The following CDKAL1 variants were observed in gnomAD, a reference collection of about 807,000 sequenced individuals.
CDKAL1 encodes the protein CDKAL1 threonylcarbamoyladenosine tRNA methylthiotransferase, also known as threonylcarbamoyladenosine tRNA methylthiotransferase.
A neutral mutation model predicts 68.2 loss-of-function variants in CDKAL1; 32 were observed. The observed-to-expected ratio is 0.47, with a 90% CI of 0.35 to 0.63. The LOEUF (loss-of-function observed/expected upper bound fraction) is 0.63. Ranked by LOEUF, CDKAL1 falls within the 30% of genes least tolerant of loss-of-function variation. The pLI, the probability that CDKAL1 is intolerant of heterozygous loss-of-function variation, is 0.00. For missense variants in CDKAL1, 606 were observed against 696.7 expected (o/e 0.87, Z 1.47); for synonymous variants, 234 against 244.3 (o/e 0.96, Z 0.39).
At chr6:20,956,407 A>G (rs1301085476) in intron 10 of CDKAL1, among the ~76,000 whole-genome samples, 1 of 152,218 alleles carries the variant, frequency 6.6e-6, no homozygotes, top group African/African-American at 2.4e-5. Flanking sequence ...GAGAGCAACC[A>G]TATAAATGAA....
At chr6:21,012,722 TA>T (rs1768089432) in intron 11 of CDKAL1, among the ~76,000 whole-genome samples, 1 of 152,210 alleles carries the variant, frequency 6.6e-6, no homozygotes, top group African/African-American at 2.4e-5. Flanking sequence ...CTGTGAGGGA[TA>T]CGCCTTAGTC....
At chr6:20,540,863 T>G (rs539305730) in intron 2 of CDKAL1, among the ~76,000 whole-genome samples, 79 of 152,198 alleles carry the variant, frequency 5.2e-4, no homozygotes, top group Non-Finnish European at 1.0e-3. Context: ...TGGGGCTGGT[T>G]ATGTAAGCAT....
chr6:20,858,704 C>T (rs1482296269), intron 9 of CDKAL1, among the ~76,000 whole-genome samples: 1 of 152,098 alleles, frequency 6.6e-6, no homozygotes, highest in Non-Finnish European at 1.5e-5. Context: ...GATACATTTA[C>T]ATGATGGAGT....
At chr6:20,928,123 T>A (rs1300903167) in intron 9 of CDKAL1, among the ~76,000 whole-genome samples, 1 of 152,174 alleles carries the variant, frequency 6.6e-6, no homozygotes, top group East Asian at 1.9e-4. Context: ...TTGTAGTACT[T>A]AAGACACTTG....
At chr6:20,869,418 T>G (rs1268574400) in intron 9 of CDKAL1, among the ~76,000 whole-genome samples, 1 of 152,198 alleles carries the variant, frequency 6.6e-6, no homozygotes, top group African/African-American at 2.4e-5. Flanking sequence ...TAAACCACAT[T>G]GCATTTTCCT....
chr6:21,137,287 T>G lies in CDKAL1; in HGVS notation c.1299+28824T>G, dbSNP rs191012859. On this transcript the variant is annotated intron_variant, in intron 13 of 15. Transcript: ENST00000274695. The stretch of plus-strand genomic sequence containing the variant: ...TTTGAGTTAAAGATATTGTTCTTGG[T>G]GAAAAACCTATTTACTTTTAATCAT... Among the ~76,000 whole-genome samples the G allele has an allele frequency of 1.8e-3, 269 of 152,350 alleles. 2 individuals are homozygous for G. The highest frequency in any genetic ancestry group is 9.6e-4 in the Non-Finnish European group (65 of 68,034).
chr6:20,549,579 TATA>T (rs1763734191), intron 4 of CDKAL1, among the ~76,000 whole-genome samples: 2 of 111,342 alleles, frequency 1.8e-5, no homozygotes, highest in Admixed American at 1.2e-4. Context: ...TCTTTACATT[TATA>T]TTTATTTATT....
At chr6:21,018,132 A>G (rs1164200755) in intron 11 of CDKAL1, among the ~76,000 whole-genome samples, 1 of 152,190 alleles carries the variant, frequency 6.6e-6, no homozygotes. Context: ...TATTTGGTGT[A>G]CCAGCAGAAA....
At chr6:20,721,277 C>CA (rs1332148488) in intron 5 of CDKAL1, among the ~76,000 whole-genome samples, 4 of 152,320 alleles carry the variant, frequency 2.6e-5, no homozygotes, top group Non-Finnish European at 4.4e-5. Context: ...CATGTCCCTA[C>CA]AAAGGACATG....
Position 21,000,284 on chromosome 6 carries a change from C to T in CDKAL1, c.967C>T (p.Gln323Ter), listed in dbSNP as rs751681387. 1.2e-6 allele frequency: 2 copies of T among 1,613,674 alleles called. No homozygotes were observed. The highest frequency in any genetic ancestry group is 1.7e-5 in the Admixed American group (1 of 60,000). The change falls in exon 11 of 16, where the codon CAG becomes TAG. Residue 323 changes from glutamine to a stop codon, truncating the protein, a stop_gained. Transcript: ENST00000274695. LOFTEE classifies it high-confidence loss of function. Reference protein sequence around the residue: ...RVYAFLHIPVQSASDSVLMEM... With the variant: ...RVYAFLHIPV ...CTACGCTTTTCTGCACATACCAGTC[C>T]AGTCTGCCTCCGACAGCGTACTCAT...
chr6:20,880,965 T>C (rs1184784032), intron 9 of CDKAL1, among the ~76,000 whole-genome samples: 1 of 152,230 alleles, frequency 6.6e-6, no homozygotes, highest in African/African-American at 2.4e-5. Context: ...CATCCAGGCA[T>C]CTTCCTTTCC....
intron 12 of CDKAL1, among the ~76,000 whole-genome samples, chr6:21,102,399 G>C (rs1016449520): frequency 5.9e-5 from 9 of 152,108 alleles, no homozygotes; most frequent in African/African-American, 1.9e-4. Context: ...CTGCCTTAGC[G>C]TCGTCCACAT....
At chr6:21,129,521 C>T (rs946967202) in intron 13 of CDKAL1, among the ~76,000 whole-genome samples, 2 of 151,746 alleles carry the variant, frequency 1.3e-5, no homozygotes, top group Non-Finnish European at 2.9e-5. Context: ...CCAGGGTAGA[C>T]CTCATAATTT....
chr6:20,963,947 CTT>C (rs1476388450), intron 10 of CDKAL1, among the ~76,000 whole-genome samples: 1 of 151,980 alleles, frequency 6.6e-6, no homozygotes, highest in Non-Finnish European at 1.5e-5. Context: ...ACTTCCCAAA[CTT>C]AGATAAATTT....
intron 12 of CDKAL1, among the ~76,000 whole-genome samples, chr6:21,070,815 CT>C (rs1771730849): frequency 6.6e-6 from 1 of 152,188 alleles, no homozygotes; most frequent in African/African-American, 2.4e-5. Context: ...GTATTCGTAA[CT>C]GTCCCTGGGC....
At chr6:20,901,699 A>AGAAAAG (rs1554137982) in intron 9 of CDKAL1, among the ~76,000 whole-genome samples, 13 of 75,972 alleles carry the variant, frequency 1.7e-4, no homozygotes, top group Admixed American at 5.6e-4. Context: ...AAAAAAAAAA[A>AGAAAAG]AAAAGAAAAG....
At chr6:21,187,867 T>G (rs1778074666) in intron 13 of CDKAL1, among the ~76,000 whole-genome samples, 1 of 152,184 alleles carries the variant, frequency 6.6e-6, no homozygotes, top group South Asian at 2.1e-4. Flanking sequence ...ATGTACCTTT[T>G]GGGGATGGGG....
chr6:20,914,014 G>T (rs147658944), intron 9 of CDKAL1, among the ~76,000 whole-genome samples: 1 of 152,004 alleles, frequency 6.6e-6, no homozygotes, highest in South Asian at 2.1e-4. Context: ...AACAGGCTGG[G>T]CATGGTGGCT....
At chr6:20,552,210 G>A (rs2127659510) in intron 4 of CDKAL1, among the ~76,000 whole-genome samples, 1 of 152,092 alleles carries the variant, frequency 6.6e-6, no homozygotes. Flanking sequence ...GTAGCCAGGT[G>A]TGTTGGTCTT....
Sources: gnomAD v4.1 joint callset for allele counts (sites outside exome capture counted in the v4.1 genomes callset) on GRCh38, gnomAD v4.1.1 for gene constraint, MANE v1.5 for transcripts, NCBI Gene and HGNC (gene_info 2026-07-23, HGNC 2026-07-21) for gene names.